Variants in NCOA2 observed in about 807,000 individuals in gnomAD.
NCOA2 encodes nuclear receptor coactivator 2, also known as class E basic helix-loop-helix protein 75.
NCOA2 carries 21 observed loss-of-function variants against 145.1 expected under a neutral mutation model. The ratio of observed to expected loss-of-function variants is 0.14; its 90% CI spans 0.10 to 0.21. The LOEUF is 0.21. Ranked by LOEUF, NCOA2 falls within the 10% of genes least tolerant of loss-of-function variation. The pLI is 1.00. For synonymous variants in NCOA2, 619 were observed against 637.5 expected, an observed-to-expected ratio of 0.97 and a Z score of 0.44; for missense variants, 1,472 against 1,837.6, an observed-to-expected ratio of 0.80 and a Z score of 3.64.
chr8:70,450,641 G>A, the NCOA2 span, among the ~76,000 whole-genome samples: 1 of 140,724 alleles, frequency 7.1e-6, no homozygotes, highest in Non-Finnish European at 1.5e-5. Flanking sequence ...GTGCAATGGG[G>A]CAATCTTAGC....
intron 2 of NCOA2, among the ~76,000 whole-genome samples, chr8:70,278,666 A>C (rs572909147): frequency 9.3e-4 from 142 of 152,214 alleles, no homozygotes; most frequent in African/African-American, 3.1e-3. Context: ...CAGGGCATTC[A>C]TTCTAAAATG....
In NCOA2 at chr8:70,162,715, A is replaced by C; in HGVS notation, c.972T>G (p.His324Gln). 1 of 1,607,114 alleles carries C rather than the reference A, an allele frequency of 6.2e-7. No homozygotes were observed. ...AAATCATTTAGAGATGCTTACCTTC[A>C]TGATGATGCCTCTTAGCATAGGACA... is the stretch of plus-strand genomic sequence containing the variant. ...ESVSYAKRHH[H>Q]EVLRQGLAFS... The change falls in exon 9 of 23, where the codon CAT becomes CAG. Residue 324 changes from histidine (H) to glutamine (Q), a missense_variant. This residue lies in a region of NCOA2 where 284 missense variants were observed against 467.8 expected (regional missense o/e 0.61). Coordinates refer to ENST00000452400, the MANE Select transcript of NCOA2 (RefSeq NM_006540.4).
chr8:70,264,438 A>G (rs1413952088), intron 2 of NCOA2, among the ~76,000 whole-genome samples: 1 of 151,860 alleles, frequency 6.6e-6, no homozygotes, highest in East Asian at 1.9e-4. Flanking sequence ...GAGGCTGCAG[A>G]GAGGTGTGAT....
intron 15 of NCOA2, 65 bp downstream of exon 15, chr8:70,138,138 A>G (rs1466157966): frequency 6.5e-7 from 1 of 1,538,950 alleles, no homozygotes; most frequent in African/African-American, 1.4e-5. Flanking sequence ...CGACTACTCC[A>G]AAGGAAAAGA....
chr8:70,324,132 A>G (rs1563764432), intron 1 of NCOA2, among the ~76,000 whole-genome samples: 2 of 152,202 alleles, frequency 1.3e-5, no homozygotes, highest in Non-Finnish European at 2.9e-5. Flanking sequence ...ATACTAAGTA[A>G]GCTGGTGATT....
chr8:70,139,995 T>C (rs538356228), intron 14 of NCOA2, among the ~76,000 whole-genome samples: 1 of 152,272 alleles, frequency 6.6e-6, no homozygotes, highest in African/African-American at 2.4e-5. Flanking sequence ...CATAAACTTA[T>C]TGGAATTATG....
At chr8:70,349,054 A>G (rs931283679) in intron 1 of NCOA2, among the ~76,000 whole-genome samples, 5 of 152,070 alleles carry the variant, frequency 3.3e-5, no homozygotes, top group African/African-American at 1.2e-4. Context: ...CAATGGACAC[A>G]GAGAAGACTG....
At chr8:70,126,474 T>A (rs183279229) in intron 19 of NCOA2, 73 of 277,714 alleles carry the variant, frequency 2.6e-4, no homozygotes, top group Non-Finnish European at 4.7e-4. Flanking sequence ...TATATAAACA[T>A]ATATGAACTT....
intron 1 of NCOA2, among the ~76,000 whole-genome samples, chr8:70,354,561 T>A (rs1408843534): frequency 6.6e-6 from 1 of 152,198 alleles, no homozygotes; most frequent in African/African-American, 2.4e-5. Context: ...TACAAAAATT[T>A]GAAACATAGG....
At chr8:70,331,025 T>C (rs547381123) in intron 1 of NCOA2, among the ~76,000 whole-genome samples, 1 of 149,060 alleles carries the variant, frequency 6.7e-6, no homozygotes, top group African/African-American at 2.4e-5. Flanking sequence ...TTAAGAACAG[T>C]CAGTAAAGAA....
chr8:70,356,980 T>C (rs1420474421), intron 1 of NCOA2, among the ~76,000 whole-genome samples: 1 of 152,176 alleles, frequency 6.6e-6, no homozygotes, highest in African/African-American at 2.4e-5. Context: ...TATATGGTTA[T>C]TTTCCCTAAC....
intron 15 of NCOA2, chr8:70,137,971 A>C (rs561924398): frequency 1.4e-5 from 5 of 354,344 alleles, no homozygotes; most frequent in Non-Finnish European, 2.0e-5. Context: ...CACTACCTCA[A>C]TATTACAGTT....
intron 2 of NCOA2, among the ~76,000 whole-genome samples, chr8:70,277,645 A>C (rs1825562270): frequency 6.6e-6 from 1 of 152,188 alleles, no homozygotes; most frequent in Non-Finnish European, 1.5e-5. Flanking sequence ...GTTCCCACAA[A>C]TGCTATTTTT....
At chr8:70,445,542 T>C in the NCOA2 span, among the ~76,000 whole-genome samples, 7 of 152,214 alleles carry the variant, frequency 4.6e-5, no homozygotes, top group Non-Finnish European at 8.8e-5. Flanking sequence ...TTCTCCTTCC[T>C]GGAATTTTTC....
chr8:70,327,780 G>T (rs1286225179), intron 1 of NCOA2, among the ~76,000 whole-genome samples: 5 of 152,158 alleles, frequency 3.3e-5, no homozygotes, highest in African/African-American at 9.7e-5. Context: ...TAAAAAAGCT[G>T]AATGTAGATA....
At chr8:70,261,836 C>T (rs1385197362) in intron 2 of NCOA2, among the ~76,000 whole-genome samples, 2 of 151,954 alleles carry the variant, frequency 1.3e-5, no homozygotes, top group Admixed American at 6.6e-5. Flanking sequence ...AAAGCTAACC[C>T]TCTCCCTTGC....
At chr8:70,395,032 A>G (rs1486584976) in intron 1 of NCOA2, among the ~76,000 whole-genome samples, 3 of 152,238 alleles carry the variant, frequency 2.0e-5, no homozygotes, top group Admixed American at 2.0e-4. Context: ...ACTGTAGATC[A>G]TGATCAGACA....
chr8:70,172,438 AC>A (rs1225821369), intron 5 of NCOA2, among the ~76,000 whole-genome samples: 1 of 152,186 alleles, frequency 6.6e-6, no homozygotes, highest in Non-Finnish European at 1.5e-5. Flanking sequence ...TATTTTAATC[AC>A]AAAACTAAGT....
intron 1 of NCOA2, among the ~76,000 whole-genome samples, chr8:70,302,110 T>C (rs779207852): frequency 6.6e-6 from 1 of 152,214 alleles, no homozygotes; most frequent in African/African-American, 2.4e-5. Flanking sequence ...CTTTCACGAC[T>C]TACCTTTGAA....
Sources: gnomAD v4.1 joint callset for allele counts (sites outside exome capture counted in the v4.1 genomes callset) on GRCh38, gnomAD v4.1.1 for gene constraint, gnomAD v4.1.1 regional missense constraint, MANE v1.5 for transcripts, NCBI Gene and HGNC (gene_info 2026-07-23, HGNC 2026-07-21) for gene names.